Variants in CRABP2 observed in about 807,000 individuals in gnomAD.
The protein encoded by CRABP2 is cellular retinoic acid binding protein 2, also known as cellular retinoic acid-binding protein 2.
Under a neutral mutation model 17.9 loss-of-function variants are expected in CRABP2, and 20 were observed. The observed-to-expected ratio is 1.12, with a 90% confidence interval of 0.79 to 1.63. The LOEUF is 1.63. CRABP2 is among the 40% of genes most tolerant of loss of function. The probability of loss-of-function intolerance (pLI) is 0.00; values close to 1 mark genes in which losing one functional copy is unlikely to be tolerated. For synonymous variants in CRABP2, 76 were observed against 66.4 expected (o/e 1.14, Z -0.70); for missense variants, 151 against 168.6 (o/e 0.90, Z 0.58).
Position 156,700,554 on chromosome 1 carries a change from C to G in CRABP2, c.354G>C (p.Gly118=). The G allele has an allele frequency of 6.2e-7, 1 of 1,613,602 alleles. No homozygotes were observed. The highest frequency in any genetic ancestry group is 8.5e-7 in the Non-Finnish European group (1 of 1,179,574). The change falls in exon 3 of 4, where the codon GGG becomes GGC. Residue 118 remains glycine (G), a synonymous_variant. Transcript: ENST00000368222. The part of the protein sequence containing the change: ...TSWTRELTND[G]ELILTMTADD... ...AGGCAGGACTTACCAGGATCAGTTC[C>G]CCATCGTTGGTCAGTTCTCTGGTCC...
In CRABP2 at chr1:156,700,998, A is replaced by G; in HGVS notation, c.125T>C (p.Val42Ala). 2 of 1,614,086 alleles carry G rather than the reference A, an allele frequency of 1.2e-6. No homozygotes were observed. Among genetic ancestry groups the G allele is most frequent in the Non-Finnish European group, 1.7e-6 (2 of 1,180,000 alleles). ...IAVAAASKPA[V>A]EIKQEGDTFY... is the part of the protein sequence containing the mutation. The stretch of plus-strand genomic sequence containing the variant: ...AGTGTCTCCCTCCTGTTTGATCTCC[A>G]CTGCTGGCTTGGACGCTGCAGCCAC... The change falls in exon 2 of 4, where the codon GTG (valine) becomes GCG (alanine). Residue 42 changes from valine (V) to alanine (A), a missense_variant. Physicochemically the swap from Val to Ala is moderately conservative, Grantham distance 64 (BLOSUM62 0). Transcript: ENST00000368222.
intron 1 of CRABP2, among the ~76,000 whole-genome samples, chr1:156,702,151 AAAAAC>A (rs1239363333): frequency 2.0e-5 from 3 of 151,924 alleles, no homozygotes; most frequent in Non-Finnish European, 2.9e-5. Context: ...ACCCTGTCTC[AAAAAC>A]AAAACAAAAC....
At chr1:156,700,435 G>A (rs1295386969) in intron 3 of CRABP2, 107 bp downstream of exon 3, 9 of 852,852 alleles carry the variant, frequency 1.1e-5, no homozygotes, top group Admixed American at 1.8e-5. Context: ...AGCAGGGTGC[G>A]GAGTCCAGCC....
chr1:156,702,498 C>CG (rs1648066896), intron 1 of CRABP2, among the ~76,000 whole-genome samples: 1 of 151,728 alleles, frequency 6.6e-6, no homozygotes, highest in Admixed American at 6.6e-5. Context: ...AACGACCTGG[C>CG]GCAGTGGCCC....
intron 1 of CRABP2, among the ~76,000 whole-genome samples, chr1:156,702,472 C>A (rs1189397798): frequency 1.4e-5 from 2 of 144,222 alleles, no homozygotes; most frequent in African/African-American, 2.6e-5. Flanking sequence ...AAACAAAAAA[C>A]AAACAAACAA....
At chr1:156,702,223 C>CAGCAGGACTGCTTAAGCCCAGAA (rs1357307693) in intron 1 of CRABP2, among the ~76,000 whole-genome samples, 3 of 151,262 alleles carry the variant, frequency 2.0e-5, no homozygotes, top group Non-Finnish European at 2.9e-5. Context: ...GAGGCCGAGG[C>CAGCAGGACTGCTTAAGCCCAGAA]GGGCGGATCA....
At chr1:156,703,158 T>G (rs1428872194) in intron 1 of CRABP2, among the ~76,000 whole-genome samples, 1 of 151,940 alleles carries the variant, frequency 6.6e-6, no homozygotes, top group African/African-American at 2.4e-5. Context: ...GAACCCCCTC[T>G]GCTGTGAGAA....
At chr1:156,701,831 T>G (rs1648043117) in intron 1 of CRABP2, among the ~76,000 whole-genome samples, 1 of 152,096 alleles carries the variant, frequency 6.6e-6, no homozygotes, top group South Asian at 2.1e-4. Flanking sequence ...AAAATGGAAA[T>G]AACAGCTTCT....
At position 156,700,906 on chromosome 1, in the gene CRABP2, C is replaced by G. The variant is rs780031641; in HGVS notation, c.217G>C (p.Glu73Gln). The G allele has an allele frequency of 3.7e-6, 6 of 1,614,018 alleles. No homozygotes were observed. Among genetic ancestry groups the G allele is most frequent in the South Asian group, 2.2e-5 (2 of 91,080 alleles). ...EINFKVGEEF[E>Q]EQTVDGRPCK... ...GGCCTCCCATCCACAGTCTGCTCCT[C>G]AAACTCCTCCCCAACCTTGAAGTTA... is the stretch of plus-strand genomic sequence containing the variant. The change falls in exon 2 of 4, where the codon GAG becomes CAG. Residue 73 changes from glutamate (E) to glutamine (Q), a missense_variant. Transcript: ENST00000368222.
At chr1:156,701,795 C>T (rs1388981630) in intron 1 of CRABP2, among the ~76,000 whole-genome samples, 2 of 152,134 alleles carry the variant, frequency 1.3e-5, no homozygotes, top group Non-Finnish European at 2.9e-5. Flanking sequence ...GGCTTAACCA[C>T]CCTGAGCCTT....
At position 156,705,500 on chromosome 1, in the gene CRABP2, CTG is replaced by C; in HGVS notation, c.-56_-55del. ...GACTCCTAGGCTGGAGCACTGGACACTGTCTTTTAGTCAAAAGAGACGTCGCC... is the reference window on the plus strand; with the variant it reads ...GACTCCTAGGCTGGAGCACTGGACACTCTTTTAGTCAAAAGAGACGTCGCC... On this transcript the variant is annotated 5_prime_UTR_variant, in exon 1 of 4. Transcript: ENST00000368222. This position sits in a 1 kb window ranked among gnomAD's most constrained non-coding sequence, Gnocchi z 5.2. The C allele has an allele frequency of 1.1e-5, 17 of 1,591,934 alleles. No individual in the cohort carries two copies. The South Asian group carries it at 1.9e-4, about 18-fold the overall frequency.
Position 156,700,540 on chromosome 1 carries a change from A to G in CRABP2, c.366+2T>C, listed in dbSNP as rs111270389. 6.2e-7 allele frequency: 1 copy of G among 1,612,218 alleles called. No individual in the cohort carries two copies. Among genetic ancestry groups the G allele is most frequent in the Non-Finnish European group, 8.5e-7 (1 of 1,178,284 alleles). On this transcript the variant is annotated splice_donor_variant, in intron 3 of 3. Coordinates refer to ENST00000368222, the MANE Select transcript of CRABP2 (RefSeq NM_001878.4). LOFTEE classifies it high-confidence loss of function. ...TATTAGTGGGGAGGAGGCAGGACTT[A>G]CCAGGATCAGTTCCCCATCGTTGGT...
Position 156,700,056 on chromosome 1 carries a change from A to T in CRABP2, c.387T>A (p.Val129=). ...ELILTMTADD[V]VCTRVYVRE is the part of the protein sequence containing the mutation. ...CTCGGACGTAGACCCTGGTGCACAC[A>T]ACGTCATCCGCCGTCATGGTCTGGA... Residue 129 remains valine, a synonymous_variant, in exon 4 of 4, where the codon GTT becomes GTA. Transcript: ENST00000368222. 1 of 1,613,678 alleles carries T rather than the reference A, an allele frequency of 6.2e-7. No homozygotes were observed.
intron 2 of CRABP2, 103 bp downstream of exon 2, chr1:156,700,771 A>C (rs1648007848): frequency 1.3e-6 from 2 of 1,522,638 alleles, no homozygotes; most frequent in East Asian, 4.5e-5. Flanking sequence ...GATTTTCCCT[A>C]CTGGGACAGA....
At position 156,699,996 on chromosome 1, in the gene CRABP2, G is replaced by A; in HGVS notation, c.*30C>T. ...AGGGCGGTGAGCATGGCCAGTGGTG[G>A]GCTTCGGCCGCGGTTCTACCTGTGG... On this transcript the variant is annotated 3_prime_UTR_variant, in exon 4 of 4. Coordinates refer to ENST00000368222, the MANE Select transcript of CRABP2 (RefSeq NM_001878.4). 6.2e-7 allele frequency: 1 copy of A among 1,607,198 alleles called. No homozygotes were observed. Among genetic ancestry groups the A allele is most frequent in the Non-Finnish European group, 8.5e-7 (1 of 1,176,740 alleles).
At position 156,700,700 on chromosome 1, in the gene CRABP2, G is replaced by T; in HGVS notation, c.250-42C>A. 3 of 1,574,744 alleles carry T rather than the reference G, an allele frequency of 1.9e-6. No homozygotes were observed. The South Asian group carries it at 3.3e-5, about 17-fold the overall frequency. ...GCCAAGTGAGCTGGGCCCATAGCAG[G>T]GGCAATGCAGTGAGAGGGATAAGGG... On this transcript the variant is annotated intron_variant, in intron 2 of 3. Transcript: ENST00000368222.
chr1:156,700,731 G>A lies in CRABP2; in HGVS notation c.250-73C>T, dbSNP rs1648006483. ...TGCAGTGAGAGGGATAAGGGAGAGA[G>A]CCCCTTTCTAGCCCCCACCACCACC... On this transcript the variant is annotated intron_variant, in intron 2 of 3. Transcript: ENST00000368222. 6 of 1,518,230 alleles carry A rather than the reference G, an allele frequency of 4.0e-6. No homozygotes were observed. In the South Asian group the frequency reaches 6.8e-5, roughly 17 times the overall value. The allele number at this position is 1,518,230 out of a possible 1,614,324, so 94.0% of individuals were successfully genotyped here.
chr1:156,701,098 CCT>C (rs1648019888), intron 1 of CRABP2, 46 bp from the exon 2 acceptor site: 1 of 1,593,332 alleles, frequency 6.3e-7, no homozygotes, highest in South Asian at 1.1e-5. Context: ...CCTTTGGGCA[CCT>C]CTCTCACACC....
intron 3 of CRABP2, 110 bp from the exon 4 acceptor site, chr1:156,700,186 T>G: frequency 8.8e-7 from 1 of 1,133,178 alleles, no homozygotes; most frequent in East Asian, 2.6e-5. Flanking sequence ...CAAACCTGCT[T>G]CTTGGCTCAA....
Sources: gnomAD v4.1 joint callset for allele counts (sites outside exome capture counted in the v4.1 genomes callset) on GRCh38, gnomAD v4.1.1 for gene constraint, Gnocchi (gnomAD v3.1) non-coding constraint, MANE v1.5 for transcripts, NCBI Gene and HGNC (gene_info 2026-07-23, HGNC 2026-07-21) for gene names.